Variants in NRG1 observed in about 807,000 individuals in gnomAD.
NRG1 encodes neuregulin 1, also known as pro-neuregulin-1, membrane-bound isoform.
A neutral mutation model predicts 63.8 loss-of-function variants in NRG1; 18 were observed. The observed-to-expected ratio is 0.28, with a 90% CI of 0.19 to 0.42. The LOEUF (loss-of-function observed/expected upper bound fraction) is 0.42. Ranked by LOEUF, NRG1 falls within the 10% of genes least tolerant of loss-of-function variation. The pLI, the probability that NRG1 is intolerant of heterozygous loss-of-function variation, is 1.00. For synonymous variants in NRG1, 302 were observed against 301.3 expected (o/e 1.00, Z -0.02); for missense variants, 762 against 814.7 (o/e 0.94, Z 0.79).
chr8:32,375,583 G>A (rs939000354), intron 1 of NRG1, among the ~76,000 whole-genome samples: 4 of 151,246 alleles, frequency 2.6e-5, no homozygotes, highest in Non-Finnish European at 5.9e-5. Flanking sequence ...GTGGTGATGA[G>A]AGTCTCTTCA....
intron 1 of NRG1, among the ~76,000 whole-genome samples, chr8:32,202,379 G>T (rs1405728990): frequency 6.6e-6 from 1 of 152,168 alleles, no homozygotes; most frequent in Non-Finnish European, 1.5e-5. Flanking sequence ...TGGGGAACAT[G>T]CAGGTGCACA....
At chr8:32,508,599 AG>A (rs1828821444) in intron 1 of NRG1, among the ~76,000 whole-genome samples, 1 of 150,104 alleles carries the variant, frequency 6.7e-6, no homozygotes, top group Non-Finnish European at 1.5e-5. Flanking sequence ...GCCTGGCCTA[AG>A]GGCTATTTTT....
intron 1 of NRG1, among the ~76,000 whole-genome samples, chr8:32,542,360 C>G (rs1216771976): frequency 6.6e-6 from 1 of 152,072 alleles, no homozygotes; most frequent in Non-Finnish European, 1.5e-5. Flanking sequence ...TCATCATCAT[C>G]AAAAATTTGA....
chr8:32,325,349 T>C (rs1019746737), intron 1 of NRG1, among the ~76,000 whole-genome samples: 1 of 152,154 alleles, frequency 6.6e-6, no homozygotes, highest in Non-Finnish European at 1.5e-5. Flanking sequence ...CTGAATCAGT[T>C]ACTTCCTATT....
intron 1 of NRG1, among the ~76,000 whole-genome samples, chr8:32,424,896 C>CA (rs995131615): frequency 2.6e-5 from 4 of 151,342 alleles, no homozygotes; most frequent in African/African-American, 7.3e-5. Flanking sequence ...AACAAACAAA[C>CA]AAAAAAACAA....
intron 1 of NRG1, among the ~76,000 whole-genome samples, chr8:32,541,285 A>G (rs1049152585): frequency 5.3e-5 from 8 of 152,156 alleles, no homozygotes; most frequent in African/African-American, 1.9e-4. Context: ...ATGTTTTCAT[A>G]AAGATTTAGT....
Position 32,646,059 on chromosome 8 carries a change from T to TCAC in NRG1, c.502+29177_502+29179dup, listed in dbSNP as rs760121766. Among the ~76,000 whole-genome samples the TCAC allele has an allele frequency of 1.2e-3, 186 of 152,100 alleles. 1 individual carries two copies. The highest frequency in any genetic ancestry group is 2.5e-3 in the Non-Finnish European group (167 of 67,986). Reference sequence around the variant, plus strand: ...GAATCCAAACCTCTGCAGTGTGGAGTCACCATGAAAGGCTAATCTAAAAAT... The same window carrying TCAC: ...GAATCCAAACCTCTGCAGTGTGGAGTCACCACCATGAAAGGCTAATCTAAAAAT... On this transcript the variant is annotated intron_variant, in intron 5 of 11. Transcript: ENST00000356819.
chr8:32,301,532 G>A (rs7829153), intron 1 of NRG1, among the ~76,000 whole-genome samples: 116,686 of 152,054 alleles, frequency 0.77, 45,074 homozygotes, highest in South Asian at 0.84. Context: ...GTCCATTTTC[G>A]TGCTGCTGAT....
intron 1 of NRG1, among the ~76,000 whole-genome samples, chr8:32,250,983 T>C (rs1023413079): frequency 3.3e-5 from 5 of 152,082 alleles, no homozygotes; most frequent in Non-Finnish European, 5.9e-5. Flanking sequence ...TTCATGTTAA[T>C]TGGAGGCAAA....
chr8:32,564,829 G>A (rs879664712), intron 1 of NRG1, among the ~76,000 whole-genome samples: 18 of 152,114 alleles, frequency 1.2e-4, no homozygotes, highest in Non-Finnish European at 2.5e-4. Flanking sequence ...GGGAGGCTGA[G>A]GCAGGAGGAT....
chr8:32,294,865 A>T (rs1307793455), intron 1 of NRG1, among the ~76,000 whole-genome samples: 1 of 152,192 alleles, frequency 6.6e-6, no homozygotes, highest in Non-Finnish European at 1.5e-5. Context: ...TCAAAATAAC[A>T]AGACTAAGAA....
intron 1 of NRG1, among the ~76,000 whole-genome samples, chr8:32,475,292 C>G (rs1824371677): frequency 6.6e-6 from 1 of 151,658 alleles, no homozygotes; most frequent in African/African-American, 2.4e-5. Flanking sequence ...TGGTGAAACC[C>G]CAGCTCTACT....
At chr8:32,080,777 G>GCA (rs1184913257) in intron 1 of NRG1, among the ~76,000 whole-genome samples, 11 of 121,314 alleles carry the variant, frequency 9.1e-5, no homozygotes, top group Middle Eastern at 4.0e-3. Context: ...GTGTGTGTGT[G>GCA]TGTGTGTGTG....
chr8:32,156,031 A>G (rs569049246), intron 1 of NRG1, among the ~76,000 whole-genome samples: 44 of 152,208 alleles, frequency 2.9e-4, no homozygotes, highest in African/African-American at 1.0e-3. Context: ...TGGCAATGTC[A>G]CCCCACTGAA....
intron 1 of NRG1, among the ~76,000 whole-genome samples, chr8:31,838,467 A>T (rs1825884047): frequency 6.6e-6 from 1 of 152,140 alleles, no homozygotes; most frequent in Non-Finnish European, 1.5e-5. Flanking sequence ...CAGCTTGTCT[A>T]TTTCAAAAAC....
intron 1 of NRG1, among the ~76,000 whole-genome samples, chr8:31,658,915 G>A (rs1805694034): frequency 6.6e-6 from 1 of 152,144 alleles, no homozygotes; most frequent in Non-Finnish European, 1.5e-5. Flanking sequence ...ATTATTTTAG[G>A]AACCCAGCGG....
At chr8:32,757,335 T>C (rs1829860506) in intron 9 of NRG1, among the ~76,000 whole-genome samples, 1 of 152,182 alleles carries the variant, frequency 6.6e-6, no homozygotes, top group African/African-American at 2.4e-5. Context: ...TCCAGCATCA[T>C]CCTTCTTATT....
chr8:32,276,805 G>A (rs1852153089), intron 1 of NRG1, among the ~76,000 whole-genome samples: 1 of 152,210 alleles, frequency 6.6e-6, no homozygotes, highest in South Asian at 2.1e-4. Context: ...TAGGGCAAGG[G>A]AGGAAATAGG....
chr8:32,546,708 C>CTT (rs1194873009), upstream of NRG1, among the ~76,000 whole-genome samples: 1 of 152,174 alleles, frequency 6.6e-6, no homozygotes, highest in Non-Finnish European at 1.5e-5. Flanking sequence ...GGACATCAAA[C>CTT]TTTTAAACTA....
Sources: allele counts gnomAD v4.1 joint callset (sites outside exome capture counted in the v4.1 genomes callset), GRCh38; gene constraint gnomAD v4.1.1; transcripts MANE v1.5; gene names NCBI Gene and HGNC (gene_info 2026-07-23, HGNC 2026-07-21).